The following GGA2 variants were observed in gnomAD, a reference collection of about 807,000 sequenced individuals.
GGA2 encodes golgi associated, gamma adaptin ear containing, ARF binding protein 2, also known as ADP-ribosylation factor-binding protein GGA2.
In GGA2, 48 loss-of-function variants were observed where a neutral mutation model predicts 79.5. That is an observed-to-expected ratio of 0.60 (90% CI 0.48 to 0.77). The LOEUF is 0.77. GGA2 is among the 30% of genes least tolerant of loss of function. GGA2 has a pLI of 0.00. For missense variants in GGA2, 770 were observed against 774.0 expected (o/e 0.99, Z 0.06); for synonymous variants, 317 against 302.0 (o/e 1.05, Z -0.51).
At chr16:23,485,535 T>G (rs1003885374) in intron 8 of GGA2, among the ~76,000 whole-genome samples, 3 of 152,044 alleles carry the variant, frequency 2.0e-5, no homozygotes, top group Non-Finnish European at 4.4e-5. Flanking sequence ...CCATAAGAAA[T>G]GAAAATCGAT....
At chr16:23,493,575 G>T in intron 3 of GGA2, 117 bp from the exon 4 acceptor site, 1 of 696,340 alleles carries the variant, frequency 1.4e-6, no homozygotes, top group Non-Finnish European at 2.6e-6. Context: ...CCTGCCTCAA[G>T]CCTATGAGGA....
intron 14 of GGA2, 54 bp downstream of exon 14, chr16:23,474,850 C>CT (rs1964556267): frequency 7.4e-7 from 1 of 1,347,216 alleles, no homozygotes; most frequent in Non-Finnish European, 1.1e-6. Flanking sequence ...AGCTGGGAGT[C>CT]TAATAGATTC....
At chr16:23,500,130 C>T (rs1015504375) in intron 1 of GGA2, among the ~76,000 whole-genome samples, 5 of 152,218 alleles carry the variant, frequency 3.3e-5, no homozygotes, top group Non-Finnish European at 7.3e-5. Flanking sequence ...AAACAGGTTC[C>T]CAAGGGACCC....
chr16:23,521,316 A>C (rs939144107), intron 1 of GGA2, among the ~76,000 whole-genome samples: 2 of 151,706 alleles, frequency 1.3e-5, no homozygotes, highest in African/African-American at 4.8e-5. Context: ...CCACCATCTT[A>C]TTTTCTGCCT....
intron 14 of GGA2, among the ~76,000 whole-genome samples, chr16:23,473,011 T>G (rs1964531627): frequency 1.6e-5 from 2 of 128,080 alleles, no homozygotes; most frequent in Non-Finnish European, 3.1e-5. Context: ...CCAGCCTGGG[T>G]GACAGCGAGA....
chr16:23,495,306 C>A, intron 2 of GGA2: 1 of 157,042 alleles, frequency 6.4e-6, no homozygotes, highest in Non-Finnish European at 1.4e-5. Flanking sequence ...GAGTTCTCCT[C>A]AGCATTAGTG....
At chr16:23,494,202 C>G in intron 3 of GGA2, 101 bp downstream of exon 3, 2 of 817,578 alleles carry the variant, frequency 2.4e-6, no homozygotes, top group Non-Finnish European at 4.3e-6. Flanking sequence ...CAGGGGACCT[C>G]CCTTCTCCAG....
chr16:23,470,018 A>C lies in GGA2; in HGVS notation c.1598T>G (p.Met533Arg), dbSNP rs1964489266. Residue 533 changes from methionine to arginine, a missense_variant, in exon 15 of 17, where the codon ATG becomes AGG. Met to Arg is a moderately conservative substitution (Grantham distance 91, BLOSUM62 -1). Coordinates refer to ENST00000309859, the MANE Select transcript of GGA2 (RefSeq NM_015044.4). ...STAPQPVWDI[M>R]FQVAVPKSMR... ...CACCTTTGGCACAGCCACTTGAAAC[A>C]TGATATCCCAGACAGGCTGGGGAGC... 1 of 1,566,170 alleles carries C rather than the reference A, an allele frequency of 6.4e-7. No individual in the cohort carries two copies. The highest frequency in any genetic ancestry group is 8.6e-7 in the Non-Finnish European group (1 of 1,156,400).
intron 4 of GGA2, among the ~76,000 whole-genome samples, chr16:23,492,496 G>T (rs1284324046): frequency 6.6e-6 from 1 of 152,162 alleles, no homozygotes; most frequent in East Asian, 1.9e-4. Flanking sequence ...AAAAACCTCA[G>T]ATGAAAACAC....
intron 13 of GGA2, among the ~76,000 whole-genome samples, chr16:23,476,026 G>A (rs1214521871): frequency 1.3e-5 from 2 of 152,200 alleles, no homozygotes; most frequent in Non-Finnish European, 2.9e-5. Context: ...TGTTCATGTT[G>A]TACCTGTCGG....
At chr16:23,482,867 G>C (rs1964664680) in intron 9 of GGA2, 56 bp downstream of exon 9, 1 of 986,754 alleles carries the variant, frequency 1.0e-6, no homozygotes, top group Non-Finnish European at 1.6e-6. Context: ...TGACAGGAGG[G>C]ACCGAGTCTG....
intron 1 of GGA2, among the ~76,000 whole-genome samples, chr16:23,505,214 C>T (rs1964961678): frequency 1.3e-5 from 2 of 152,154 alleles, no homozygotes; most frequent in African/African-American, 4.8e-5. Flanking sequence ...TCCTACTCAT[C>T]ACCTGGGAGT....
intron 3 of GGA2, 78 bp downstream of exon 3, chr16:23,494,225 G>T: frequency 1.1e-6 from 1 of 922,866 alleles, no homozygotes. Context: ...AAAAGGATCT[G>T]TGTGGAAGCA....
At chr16:23,511,502 CT>C (rs561839917), upstream of GGA2, among the ~76,000 whole-genome samples, 176 of 129,220 alleles carry the variant, frequency 1.4e-3, no homozygotes, top group South Asian at 6.4e-3. Context: ...TCCTGGAACA[CT>C]TTTTTTTTTT....
At chr16:23,495,236 G>A (rs1433422488) in intron 2 of GGA2, 1 of 152,592 alleles carries the variant, frequency 6.6e-6, no homozygotes. Context: ...TTTAAATGGT[G>A]GAGAATACAC....
intron 13 of GGA2, among the ~76,000 whole-genome samples, 170 bp downstream of exon 13, chr16:23,478,198 C>CAA (rs1280730858): frequency 1.0e-4 from 4 of 38,102 alleles, no homozygotes; most frequent in African/African-American, 4.9e-4. Flanking sequence ...GACCCCGTCT[C>CAA]AAAAAAAAAA....
At chr16:23,510,558 C>CCCCT (rs1555501357), upstream of GGA2, 529 of 389,830 alleles carry the variant, frequency 1.4e-3, 6 homozygotes, top group East Asian at 0.016. Context: ...CCCAGGCCCC[C>CCCCT]CCTCCACGCG....
rs1176019256 is a variant in GGA2, at chr16:23,492,536, G to C, written c.352-736C>G. ...ACAAGGAAGCTCAGAGAGCCTCTCAGTTGAACCTACGTTGGGAGGATGGCA... is the reference window on the plus strand; with the variant it reads ...ACAAGGAAGCTCAGAGAGCCTCTCACTTGAACCTACGTTGGGAGGATGGCA... On this transcript the variant is annotated intron_variant, in intron 4 of 16. Coordinates refer to ENST00000309859, the MANE Select transcript of GGA2 (RefSeq NM_015044.4). Among the ~76,000 whole-genome samples, 3 of 152,216 alleles carry C rather than the reference G, an allele frequency of 2.0e-5. No homozygotes were observed. The East Asian group carries it at 5.8e-4, about 29-fold the overall frequency.
chr16:23,492,504 C>T (rs1964801848), intron 4 of GGA2, among the ~76,000 whole-genome samples: 1 of 152,126 alleles, frequency 6.6e-6, no homozygotes, highest in Non-Finnish European at 1.5e-5. Flanking sequence ...CAGATGAAAA[C>T]ACTGAAACAA....
Sources: allele counts gnomAD v4.1 joint callset (sites outside exome capture counted in the v4.1 genomes callset), GRCh38; gene constraint gnomAD v4.1.1; transcripts MANE v1.5; gene names NCBI Gene and HGNC (gene_info 2026-07-23, HGNC 2026-07-21).